The following SNX5 variants were observed in gnomAD, a reference collection of about 807,000 sequenced individuals.
SNX5 encodes sorting nexin 5.
A neutral mutation model predicts 53.9 loss-of-function variants in SNX5; 31 were observed. The observed-to-expected ratio is 0.58, with a 90% CI of 0.43 to 0.78. The LOEUF (loss-of-function observed/expected upper bound fraction) is 0.78. Among genes scored for constraint, SNX5 ranks in the 30% least tolerant of loss-of-function variants. The pLI is 0.00. For missense variants in SNX5, 471 were observed against 478.8 expected (o/e 0.98, Z 0.15); for synonymous variants, 168 against 171.1 (o/e 0.98, Z 0.14).
chr20:17,968,292 A>G, intron 1 of SNX5, 83 bp downstream of exon 1: 1 of 1,142,692 alleles, frequency 8.8e-7, no homozygotes, highest in Non-Finnish European at 1.1e-6. Context: ...GCCACGGCCT[A>G]TGGACGCGCA....
chr20:17,947,419 G>A, intron 11 of SNX5, 67 bp downstream of exon 11: 2 of 1,549,962 alleles, frequency 1.3e-6, no homozygotes, highest in Admixed American at 3.7e-5. Flanking sequence ...TGCACTATTT[G>A]TAGAACTTTT....
intron 8 of SNX5, among the ~76,000 whole-genome samples, chr20:17,949,479 G>A (rs1048148044): frequency 1.3e-5 from 2 of 152,122 alleles, no homozygotes; most frequent in Admixed American, 6.5e-5. Context: ...TTTCAATTTC[G>A]AGTCAGAAGT....
At chr20:17,958,686 T>C (rs2035403672) in intron 1 of SNX5, among the ~76,000 whole-genome samples, 1 of 152,240 alleles carries the variant, frequency 6.6e-6, no homozygotes, top group Non-Finnish European at 1.5e-5. Context: ...CATGTCCATT[T>C]GTGAGATCTC....
At chr20:17,968,203 G>A (rs907790727) in intron 1 of SNX5, 172 bp downstream of exon 1, 3 of 428,644 alleles carry the variant, frequency 7.0e-6, no homozygotes, top group African/African-American at 6.1e-5. Flanking sequence ...GATTCCCCGG[G>A]GCAGCCTTCA....
At position 17,965,527 on chromosome 20, in the gene SNX5, G is replaced by A. The variant is rs745557733; in HGVS notation, c.51+2848C>T. Among the ~76,000 whole-genome samples, 16 of 152,192 alleles carry A rather than the reference G, an allele frequency of 1.1e-4. No homozygotes were observed. The South Asian group carries it at 1.7e-3, about 16-fold the overall frequency. On this transcript the variant is annotated intron_variant, in intron 1 of 12. Transcript: ENST00000377759. The stretch of plus-strand genomic sequence containing the variant: ...CTACCAAAAAATACAAAAATTAGGT[G>A]GGCATGCTGGTGTGTGCCTGTAGCC...
intron 11 of SNX5, chr20:17,944,084 C>T (rs1483838915): frequency 6.6e-6 from 1 of 152,064 alleles, no homozygotes; most frequent in Non-Finnish European, 1.5e-5. Context: ...TAAAATAAAC[C>T]AGGCACAGAA....
Position 17,947,513 on chromosome 20 carries a change from C to T in SNX5, c.1051G>A (p.Glu351Lys). The T allele has an allele frequency of 1.2e-6, 2 of 1,613,508 alleles. No homozygotes were observed. The highest frequency in any genetic ancestry group is 1.7e-6 in the Non-Finnish European group (2 of 1,179,680). The change falls in exon 11 of 13, where the codon GAA becomes AAA. Residue 351 changes from glutamate (E) to lysine (K), a missense_variant. Physicochemically the swap from Glu to Lys is moderately conservative, Grantham distance 56. Coordinates refer to ENST00000377759, the MANE Select transcript of SNX5 (RefSeq NM_014426.4). The part of the protein sequence containing the change: ...AHQQECCQKF[E>K]QLSESAKEEL... ...TCTTTTGCAGATTCGGAAAGTTGTT[C>T]AAATTTCTGGCAGCACTCCTGCTGG... is the stretch of plus-strand genomic sequence containing the variant.
rs750292296 is a variant in SNX5, at chr20:17,954,096, G to A, written c.289C>T (p.Pro97Ser). ...TTCTCTCGAGGACCATCAAAGTCGG[G>A]CTTCGTAGGAGCAGGTGGAATCTGC... Reference protein sequence around the residue: ...GLIIPPAPTKPDFDGPREKMQ... With the variant: ...GLIIPPAPTKSDFDGPREKMQ... Residue 97 changes from proline to serine, a missense_variant, in exon 4 of 13, where the codon CCC becomes TCC. Transcript: ENST00000377759. 6.2e-6 allele frequency: 10 copies of A among 1,613,672 alleles called. No individual in the cohort carries two copies. In the South Asian group the frequency reaches 1.1e-4, roughly 18 times the overall value.
At chr20:17,957,074 T>C (rs1358756614) in intron 1 of SNX5, 37 bp from the exon 2 acceptor site, 1 of 1,200,792 alleles carries the variant, frequency 8.3e-7, no homozygotes, top group Non-Finnish European at 1.2e-6. Context: ...TTCAAACTCA[T>C]TTGGCCCTAA....
intron 11 of SNX5, 39 bp from the exon 12 acceptor site, chr20:17,943,234 T>C: frequency 7.4e-7 from 1 of 1,344,692 alleles, no homozygotes; most frequent in African/African-American, 1.4e-5. Flanking sequence ...CAAGAAAAAC[T>C]AAACAATTTT....
Position 17,951,576 on chromosome 20 carries a change from T to A in SNX5, c.533A>T (p.Asn178Ile), listed in dbSNP as rs1568590918. 6.2e-7 allele frequency: 1 copy of A among 1,610,572 alleles called. No individual in the cohort carries two copies. The highest frequency in any genetic ancestry group is 1.3e-5 in the African/African-American group (1 of 74,862). Reference sequence around the variant, plus strand: ...GAAGCCACCAAACATCTCTTTAGTATTTTTCCGCCTAACACTTAGCTAAAA... The same window carrying A: ...GAAGCCACCAAACATCTCTTTAGTAATTTTCCGCCTAACACTTAGCTAAAA... ...YDQDLSVRRK[N>I]TKEMFGGFFK... is the part of the protein sequence containing the mutation. Residue 178 changes from asparagine to isoleucine, a missense_variant, in exon 6 of 13, where the codon AAT becomes ATT. Physicochemically the swap from Asn to Ile is moderately radical, Grantham distance 149 (BLOSUM62 -3). Coordinates refer to ENST00000377759, the MANE Select transcript of SNX5 (RefSeq NM_014426.4).
rs528005289 is a variant in SNX5 at position 17,964,773 on chromosome 20, C to G, written c.51+3602G>C. 2.6e-5 allele frequency among the ~76,000 whole-genome samples: 4 copies of G among 152,276 alleles called. No homozygotes were observed. The East Asian group carries it at 7.7e-4, about 29-fold the overall frequency. Reference sequence around the variant, plus strand: ...TCTGTTCTCACCTAATTTGCTCGAGCATCAAGACCCTGATAATAAAGACAG... The same window carrying G: ...TCTGTTCTCACCTAATTTGCTCGAGGATCAAGACCCTGATAATAAAGACAG... On this transcript the variant is annotated intron_variant, in intron 1 of 12. Transcript: ENST00000377759.
intron 1 of SNX5, among the ~76,000 whole-genome samples, chr20:17,967,508 A>C (rs2035566275): frequency 6.6e-6 from 1 of 152,220 alleles, no homozygotes; most frequent in South Asian, 2.1e-4. Flanking sequence ...TTCTCAAGAA[A>C]TGTGTAAGTT....
chr20:17,943,287 T>TC, intron 11 of SNX5, 92 bp from the exon 12 acceptor site: 1 of 823,698 alleles, frequency 1.2e-6, no homozygotes, highest in Non-Finnish European at 2.1e-6. Flanking sequence ...ACAAATGGTC[T>TC]CCAATGCTTT....
chr20:17,957,187 G>A (rs938474404), intron 1 of SNX5, 150 bp from the exon 2 acceptor site: 4 of 630,716 alleles, frequency 6.3e-6, no homozygotes, highest in Non-Finnish European at 1.2e-5. Context: ...TGTAATCCCA[G>A]CACTTTGGGA....
rs754394123 is a variant in SNX5, at chr20:17,942,751, T to C, written c.1165-344A>G. 15 of 366,398 alleles carry C rather than the reference T, an allele frequency of 4.1e-5. No individual in the cohort carries two copies. In the Admixed American group the frequency reaches 4.4e-4, roughly 11 times the overall value. The allele number at this position is 366,398 out of a possible 1,614,324, so 22.7% of individuals were successfully genotyped here. A position where few individuals can be genotyped will look rare whatever the true frequency, so the allele number is the denominator to read the frequency against. On this transcript the variant is annotated intron_variant, in intron 12 of 12. Coordinates refer to ENST00000377759, the MANE Select transcript of SNX5 (RefSeq NM_014426.4). ...CATGAAGGCAAGGGCCTTGGAAAGA[T>C]TGAATAAAAGTTGCTAGAAATTAGG... is the stretch of plus-strand genomic sequence containing the variant.
chr20:17,949,506 C>T (rs1422607369), intron 8 of SNX5, among the ~76,000 whole-genome samples: 2 of 152,080 alleles, frequency 1.3e-5, no homozygotes, highest in African/African-American at 4.8e-5. Context: ...ACCTGTTTTG[C>T]CAAGCCTGGA....
At chr20:17,947,422 G>C in intron 11 of SNX5, 64 bp downstream of exon 11, 1 of 1,558,162 alleles carries the variant, frequency 6.4e-7, no homozygotes, top group Non-Finnish European at 8.7e-7. Context: ...ACTATTTGTA[G>C]AACTTTTCTA....
intron 6 of SNX5, 164 bp downstream of exon 6, chr20:17,951,336 T>C: frequency 3.3e-6 from 2 of 600,610 alleles, no homozygotes; most frequent in East Asian, 5.7e-5. Flanking sequence ...CTCTGGGAAA[T>C]AAGTGAAAAT....
Sources: allele counts gnomAD v4.1 joint callset (sites outside exome capture counted in the v4.1 genomes callset), GRCh38; gene constraint gnomAD v4.1.1; transcripts MANE v1.5; gene names NCBI Gene and HGNC (gene_info 2026-07-23, HGNC 2026-07-21).